KLF8: variants seen among roughly 807,000 people sequenced by gnomAD.
The protein encoded by KLF8 is KLF transcription factor 8, also known as Krueppel-like factor 8.
KLF8 carries 10 observed loss-of-function variants against 18.2 expected under a neutral mutation model. The observed-to-expected ratio is 0.55, with a 90% CI of 0.34 to 0.93. The LOEUF (loss-of-function observed/expected upper bound fraction) is 0.93, where lower values mean the gene tolerates loss of function less well. Among genes scored for constraint, KLF8 ranks in the 40% least tolerant of loss-of-function variants. The probability of loss-of-function intolerance (pLI) is 0.02; values close to 1 mark genes in which losing one functional copy is unlikely to be tolerated. For synonymous variants in KLF8, 109 were observed against 97.3 expected (o/e 1.12, Z -0.71); for missense variants, 264 against 277.9 (o/e 0.95, Z 0.36).
Position 56,286,273 on chromosome X carries a change from C to T in KLF8, c.*1779C>T, listed in dbSNP as rs2067267429. The T allele has an allele frequency of 9.0e-6, 1 of 111,487 alleles. No individual in the cohort carries two copies. Among genetic ancestry groups the T allele is most frequent in the Admixed American group, 9.5e-5 (1 of 10,473 alleles). 9.2% of individuals were successfully genotyped at this position (111,487 alleles called of 1,213,427 possible). A position where few individuals can be genotyped will look rare whatever the true frequency, so the allele number is the denominator to read the frequency against. ...GTTCAAGTGATTCTCCTGCCTCAGC[C>T]TCCCAAATAGCTTGGATTACAGGTG... On this transcript the variant is annotated 3_prime_UTR_variant, in exon 6 of 6. Transcript: ENST00000468660.
At chrX:56,236,882 A>G (rs2066481550) in intron 1 of KLF8, among the ~76,000 whole-genome samples, 1 of 99,125 alleles carries the variant, frequency 1.0e-5, no homozygotes, top group African/African-American at 4.2e-5. Context: ...GTGTGTGTGA[A>G]TAACATTGTA....
At chrX:55,945,585 G>A in the KLF8 span, among the ~76,000 whole-genome samples, 2 of 111,237 alleles carry the variant, frequency 1.8e-5, no homozygotes, top group African/African-American at 3.3e-5. Context: ...GCACAAGACA[G>A]GGATGCTCTC....
the KLF8 span, among the ~76,000 whole-genome samples, chrX:56,177,932 T>A: frequency 3.7e-4 from 41 of 112,004 alleles, no homozygotes; most frequent in Middle Eastern, 4.6e-3. Context: ...GGTGTGCTGT[T>A]TACTAAGACT....
chrX:56,049,111 G>T, the KLF8 span, among the ~76,000 whole-genome samples: 1 of 111,790 alleles, frequency 8.9e-6, no homozygotes, highest in African/African-American at 3.2e-5. Context: ...TTTGCACATT[G>T]ATTTTGTATC....
At chrX:56,085,227 C>A in the KLF8 span, among the ~76,000 whole-genome samples, 3 of 111,186 alleles carry the variant, frequency 2.7e-5, no homozygotes, top group East Asian at 8.5e-4. Context: ...TTAAGGTTCT[C>A]CAGAGAAACA....
At chrX:56,224,657 A>G in the KLF8 span, among the ~76,000 whole-genome samples, 9 of 112,230 alleles carry the variant, frequency 8.0e-5, no homozygotes, top group African/African-American at 2.9e-4. Flanking sequence ...CTGTTTTTAC[A>G]CTTAATATTA....
chrX:56,161,324 A>T, the KLF8 span, among the ~76,000 whole-genome samples: 1 of 110,841 alleles, frequency 9.0e-6, no homozygotes, highest in Non-Finnish European at 1.9e-5. Context: ...TGCCTTGCTA[A>T]ATTGCGGAAG....
chrX:56,063,070 T>C, the KLF8 span, among the ~76,000 whole-genome samples: 1 of 111,269 alleles, frequency 9.0e-6, no homozygotes, highest in African/African-American at 3.3e-5. Flanking sequence ...TCCTCTAACC[T>C]TGTTTCAAGA....
At chrX:56,114,433 T>C in the KLF8 span, among the ~76,000 whole-genome samples, 4 of 112,776 alleles carry the variant, frequency 3.5e-5, no homozygotes, top group Non-Finnish European at 7.5e-5. Context: ...CAAGTGCTTG[T>C]TTTTCTTTCT....
the KLF8 span, among the ~76,000 whole-genome samples, chrX:56,144,824 G>T: frequency 9.3e-6 from 1 of 107,033 alleles, no homozygotes; most frequent in Admixed American, 1.0e-4. Flanking sequence ...ATGGAGTCTC[G>T]CTCTGTTGCC....
At chrX:56,183,419 T>C in the KLF8 span, among the ~76,000 whole-genome samples, 4 of 112,021 alleles carry the variant, frequency 3.6e-5, no homozygotes, top group Admixed American at 9.5e-5. Context: ...TTCACTTCCC[T>C]GGTGAGGCGG....
At chrX:56,283,696 G>A (rs1308001846) in intron 5 of KLF8, among the ~76,000 whole-genome samples, 1 of 112,405 alleles carries the variant, frequency 8.9e-6, no homozygotes, top group East Asian at 2.8e-4. Flanking sequence ...AGACTGTTTG[G>A]TAGGAGATAT....
chrX:56,214,003 A>G, the KLF8 span, among the ~76,000 whole-genome samples: 18 of 111,323 alleles, frequency 1.6e-4, no homozygotes, highest in African/African-American at 5.9e-4. Context: ...GCAGGAAGGT[A>G]TGCTTCCCCT....
the KLF8 span, among the ~76,000 whole-genome samples, chrX:56,073,018 A>G: frequency 1.6e-3 from 160 of 98,336 alleles, 1 homozygote; most frequent in African/African-American, 6.1e-3. Context: ...ACGGAGTCTC[A>G]CTCTGTCGCC....
the KLF8 span, among the ~76,000 whole-genome samples, chrX:56,011,388 A>T: frequency 2.7e-5 from 3 of 112,194 alleles, no homozygotes; most frequent in East Asian, 8.3e-4. Context: ...AAATAATGAA[A>T]TTAAGGTAGA....
At chrX:56,106,859 C>T in the KLF8 span, among the ~76,000 whole-genome samples, 1 of 112,040 alleles carries the variant, frequency 8.9e-6, no homozygotes, top group South Asian at 3.7e-4. Context: ...TTTTATCTAC[C>T]TTTGGTCTTT....
the KLF8 span, among the ~76,000 whole-genome samples, chrX:56,020,598 C>A: frequency 3.6e-5 from 4 of 111,518 alleles, no homozygotes; most frequent in African/African-American, 1.3e-4. Flanking sequence ...GCCAAGGTAC[C>A]AAAGGAAGAA....
At chrX:55,939,144 A>G in the KLF8 span, among the ~76,000 whole-genome samples, 1 of 111,984 alleles carries the variant, frequency 8.9e-6, no homozygotes, top group East Asian at 2.8e-4. Context: ...TCCTCAGCAA[A>G]TGTAAAAGAA....
At chrX:56,032,116 G>A in the KLF8 span, among the ~76,000 whole-genome samples, 4 of 110,694 alleles carry the variant, frequency 3.6e-5, no homozygotes, top group Admixed American at 9.6e-5. Flanking sequence ...GCCTGGCGCC[G>A]GGCTGCCTGC....
Sources: allele counts gnomAD v4.1 joint callset (sites outside exome capture counted in the v4.1 genomes callset), GRCh38; gene constraint gnomAD v4.1.1; transcripts MANE v1.5; gene names NCBI Gene and HGNC (gene_info 2026-07-23, HGNC 2026-07-21).